Variants in UIMC1 observed in about 807,000 individuals in gnomAD.
UIMC1 encodes BRCA1-A complex subunit RAP80.
A neutral mutation model predicts 84.9 loss-of-function variants in UIMC1; 42 were observed. That is an observed-to-expected ratio of 0.49 (90% CI 0.39 to 0.64). The LOEUF is 0.64. Ranked by LOEUF, UIMC1 falls within the 30% of genes least tolerant of loss-of-function variation. The pLI is 0.00. For missense variants in UIMC1, 825 were observed against 847.6 expected (o/e 0.97, Z 0.33); for synonymous variants, 281 against 293.0 (o/e 0.96, Z 0.42).
chr5:176,989,881 G>GT (rs1041374899), intron 1 of UIMC1, among the ~76,000 whole-genome samples: 4 of 151,462 alleles, frequency 2.6e-5, no homozygotes, highest in Admixed American at 2.6e-4. Context: ...CAATGTGTTG[G>GT]TAAGAAATGG....
chr5:176,907,309 T>G, intron 12 of UIMC1, 132 bp from the exon 13 acceptor site: 1 of 829,598 alleles, frequency 1.2e-6, no homozygotes, highest in Non-Finnish European at 1.9e-6. Flanking sequence ...AGTCTTTTGC[T>G]TTCTAATAAA....
At chr5:176,988,297 C>T (rs1772325461) in intron 1 of UIMC1, among the ~76,000 whole-genome samples, 1 of 152,008 alleles carries the variant, frequency 6.6e-6, no homozygotes, top group Non-Finnish European at 1.5e-5. Context: ...CTCTAGTACA[C>T]TGTATTATTG....
chr5:177,003,977 T>C (rs1413618549), intron 1 of UIMC1, among the ~76,000 whole-genome samples: 1 of 152,112 alleles, frequency 6.6e-6, no homozygotes, highest in African/African-American at 2.4e-5. Flanking sequence ...TACAGACATG[T>C]GCCAACAAGC....
chr5:176,914,739 C>T (rs192869284), intron 10 of UIMC1, among the ~76,000 whole-genome samples: 8 of 152,230 alleles, frequency 5.3e-5, no homozygotes, highest in Non-Finnish European at 1.0e-4. Flanking sequence ...AAACTAGAAG[C>T]GGGGAATCAG....
intron 1 of UIMC1, among the ~76,000 whole-genome samples, chr5:176,989,305 C>T (rs1772469833): frequency 6.6e-6 from 1 of 152,154 alleles, no homozygotes; most frequent in African/African-American, 2.4e-5. Context: ...ACTCGACACA[C>T]AAACGTCCTT....
chr5:176,967,130 G>C (rs1395705661), intron 6 of UIMC1, among the ~76,000 whole-genome samples: 1 of 152,160 alleles, frequency 6.6e-6, no homozygotes, highest in African/African-American at 2.4e-5. Context: ...TTTGGCAACA[G>C]CTAATGAAAT....
intron 8 of UIMC1, among the ~76,000 whole-genome samples, chr5:176,951,952 A>C (rs1420921342): frequency 6.6e-6 from 1 of 152,196 alleles, no homozygotes; most frequent in Non-Finnish European, 1.5e-5. Flanking sequence ...TATAATGACC[A>C]GTTTACTTTA....
intron 10 of UIMC1, among the ~76,000 whole-genome samples, chr5:176,914,760 C>G (rs1760751496): frequency 6.6e-6 from 1 of 152,172 alleles, no homozygotes; most frequent in Admixed American, 6.5e-5. Flanking sequence ...ATTATATAGT[C>G]AGGCACAGAT....
intron 1 of UIMC1, among the ~76,000 whole-genome samples, chr5:176,983,412 T>C (rs1443326564): frequency 6.6e-6 from 1 of 151,852 alleles, no homozygotes; most frequent in African/African-American, 2.4e-5. Context: ...TTTTTGTATT[T>C]TTGGTGGAGA....
chr5:176,971,446 TTAGACACTAC>T (rs2149487336), intron 3 of UIMC1, among the ~76,000 whole-genome samples: 1 of 152,188 alleles, frequency 6.6e-6, no homozygotes, highest in East Asian at 1.9e-4. Context: ...TGTCACTGTA[TTAGACACTAC>T]TAGACACTAT....
chr5:176,952,869 T>C (rs536667887), intron 8 of UIMC1, among the ~76,000 whole-genome samples: 2 of 151,984 alleles, frequency 1.3e-5, no homozygotes, highest in Non-Finnish European at 2.9e-5. Context: ...ATAAAAAAAA[T>C]AGTAATTATC....
At chr5:176,947,772 C>T (rs1455566913) in intron 9 of UIMC1, among the ~76,000 whole-genome samples, 9 of 151,316 alleles carry the variant, frequency 5.9e-5, no homozygotes, top group African/African-American at 1.5e-4. Context: ...GCCGAGATTG[C>T]GCCACTGCAC....
intron 3 of UIMC1, among the ~76,000 whole-genome samples, chr5:176,974,384 C>T (rs1339639145): frequency 6.6e-6 from 1 of 151,952 alleles, no homozygotes; most frequent in Non-Finnish European, 1.5e-5. Flanking sequence ...GCACCATATA[C>T]AAAAACTCAA....
At chr5:176,975,159 TA>T (rs1269605064) in intron 3 of UIMC1, among the ~76,000 whole-genome samples, 2 of 151,904 alleles carry the variant, frequency 1.3e-5, no homozygotes, top group Non-Finnish European at 2.9e-5. Context: ...AAAATAAATT[TA>T]AAAAAATTTT....
chr5:176,989,825 T>C (rs1050306068), intron 1 of UIMC1, among the ~76,000 whole-genome samples: 3 of 152,132 alleles, frequency 2.0e-5, no homozygotes, highest in African/African-American at 7.2e-5. Flanking sequence ...CACTATGGTC[T>C]AAATGTTTGT....
At chr5:176,971,550 A>G (rs1769197357) in intron 3 of UIMC1, among the ~76,000 whole-genome samples, 1 of 152,238 alleles carries the variant, frequency 6.6e-6, no homozygotes, top group African/African-American at 2.4e-5. Flanking sequence ...CTGGCCAAAA[A>G]TGGAACCGAA....
chr5:176,917,608 C>A (rs1761175393), intron 10 of UIMC1, among the ~76,000 whole-genome samples: 1 of 152,108 alleles, frequency 6.6e-6, no homozygotes, highest in Non-Finnish European at 1.5e-5. Flanking sequence ...AACAAATTAT[C>A]TATCAGTTTC....
At chr5:176,944,183 C>T (rs548544213) in intron 9 of UIMC1, among the ~76,000 whole-genome samples, 1 of 152,290 alleles carries the variant, frequency 6.6e-6, no homozygotes, top group South Asian at 2.1e-4. Flanking sequence ...TGTACTTAGA[C>T]CCATAAGACC....
upstream of UIMC1, among the ~76,000 whole-genome samples, chr5:177,007,624 T>C (rs767416802): frequency 4.6e-5 from 7 of 152,196 alleles, no homozygotes; most frequent in Admixed American, 1.3e-4. Flanking sequence ...TGAAATGATT[T>C]ATATAAATTT....
Sources: gnomAD v4.1 joint callset for allele counts (sites outside exome capture counted in the v4.1 genomes callset) on GRCh38, gnomAD v4.1.1 for gene constraint, MANE v1.5 for transcripts, NCBI Gene and HGNC (gene_info 2026-07-23, HGNC 2026-07-21) for gene names.